AGFG1: variants seen among roughly 807,000 people sequenced by gnomAD.
AGFG1 encodes ArfGAP with FG repeats 1.
In AGFG1, 10 loss-of-function variants were observed where a neutral mutation model predicts 60.6. That is an observed-to-expected ratio of 0.16 (90% CI 0.10 to 0.28). The LOEUF (loss-of-function observed/expected upper bound fraction) is 0.28. Among genes scored for constraint, AGFG1 ranks in the 10% least tolerant of loss-of-function variants. The pLI is 1.00. For synonymous variants in AGFG1, 247 were observed against 242.9 expected (o/e 1.02, Z -0.16); for missense variants, 537 against 676.5 (o/e 0.79, Z 2.29).
chr2:227,541,946 C>G (rs1163945950), intron 10 of AGFG1, among the ~76,000 whole-genome samples: 3 of 152,152 alleles, frequency 2.0e-5, no homozygotes, highest in African/African-American at 7.2e-5. Flanking sequence ...GTATTTTATT[C>G]TCTTTGTAGC....
chr2:227,521,769 T>C lies in AGFG1; in HGVS notation c.377+1706T>C, dbSNP rs116418870. ...GTAACAGTTGGTAGAATTAAAATCATAGATCCTTACCCCCACATTTATAAC... is the reference window on the plus strand; with the variant it reads ...GTAACAGTTGGTAGAATTAAAATCACAGATCCTTACCCCCACATTTATAAC... On this transcript the variant is annotated intron_variant, in intron 3 of 12. Transcript: ENST00000310078. Among the ~76,000 whole-genome samples, 1,085 of 152,356 alleles carry C rather than the reference T, an allele frequency of 7.1e-3. 22 individuals carry two copies. Among genetic ancestry groups the C allele is most frequent in the African/African-American group, 0.025 (1,023 of 41,584 alleles).
intron 4 of AGFG1, among the ~76,000 whole-genome samples, chr2:227,524,502 A>T (rs892320252): frequency 1.3e-5 from 2 of 152,160 alleles, no homozygotes; most frequent in Non-Finnish European, 2.9e-5. Flanking sequence ...ACTGTGTGGC[A>T]TTGCAGCCTC....
chr2:227,502,751 A>G (rs895397306), intron 2 of AGFG1, among the ~76,000 whole-genome samples: 7 of 152,216 alleles, frequency 4.6e-5, no homozygotes, highest in African/African-American at 1.7e-4. Context: ...GCTTCCTCTC[A>G]AATCATGAGG....
intron 1 of AGFG1, among the ~76,000 whole-genome samples, chr2:227,486,922 C>T (rs1690657456): frequency 6.6e-6 from 1 of 152,162 alleles, no homozygotes; most frequent in Non-Finnish European, 1.5e-5. Context: ...GCAGATGCTG[C>T]TCAACATCGT....
At chr2:227,489,643 C>T (rs1258342822) in intron 1 of AGFG1, among the ~76,000 whole-genome samples, 1 of 151,988 alleles carries the variant, frequency 6.6e-6, no homozygotes, top group African/African-American at 2.4e-5. Context: ...CAAAACAAAA[C>T]AACAACCAAA....
Position 227,531,124 on chromosome 2 carries a change from TTGA to T in AGFG1, c.731_733del (p.Asp244del). ...TCTGCAAATGCAGATTTTGCAAACT[TTGA>T]TGCATTTGGACAGTCTAGTGGTTCG... is the stretch of plus-strand genomic sequence containing the variant. On this transcript the variant is annotated inframe_deletion, in exon 6 of 13. Coordinates refer to ENST00000310078, the MANE Select transcript of AGFG1 (RefSeq NM_004504.5). The T allele has an allele frequency of 6.2e-7, 1 of 1,613,366 alleles. No individual in the cohort carries two copies. Among genetic ancestry groups the T allele is most frequent in the Non-Finnish European group, 8.5e-7 (1 of 1,179,538 alleles).
Position 227,556,856 on chromosome 2 carries a change from C to T in AGFG1, c.*2361C>T, listed in dbSNP as rs76956015. On this transcript the variant is annotated 3_prime_UTR_variant, in exon 13 of 13. Coordinates refer to ENST00000310078, the MANE Select transcript of AGFG1 (RefSeq NM_004504.5). Reference sequence around the variant, plus strand: ...AGGTGAGGTGGGAACATCACTTGAGCCCAGGAGTTGGAGGCTGCAGTGCGC... The same window carrying T: ...AGGTGAGGTGGGAACATCACTTGAGTCCAGGAGTTGGAGGCTGCAGTGCGC... 6.6e-6 allele frequency: 1 copy of T among 151,918 alleles called. No homozygotes were observed. The highest frequency in any genetic ancestry group is 6.6e-5 in the Admixed American group (1 of 15,238). The allele number at this position is 151,918 out of a possible 1,614,324, so 9.4% of individuals were successfully genotyped here. A position where few individuals can be genotyped will look rare whatever the true frequency, so the allele number is the denominator to read the frequency against.
chr2:227,535,552 G>A (rs1038906778), intron 8 of AGFG1, among the ~76,000 whole-genome samples: 2 of 152,152 alleles, frequency 1.3e-5, no homozygotes, highest in Non-Finnish European at 2.9e-5. Flanking sequence ...GCAGTAGGAA[G>A]TCTAACACAT....
chr2:227,539,746 C>CA (rs71039604), intron 10 of AGFG1, among the ~76,000 whole-genome samples: 10,624 of 65,578 alleles, frequency 0.16, 877 homozygotes, highest in Non-Finnish European at 0.22. Context: ...CTCTAGCTCA[C>CA]AAAAAAAAAA....
At chr2:227,485,630 A>C (rs142622846) in intron 1 of AGFG1, among the ~76,000 whole-genome samples, 15 of 152,168 alleles carry the variant, frequency 9.9e-5, no homozygotes, top group African/African-American at 3.4e-4. Flanking sequence ...ATCTGAAAAA[A>C]ATCTCAGTCA....
At chr2:227,531,614 G>A (rs1248436538) in intron 6 of AGFG1, among the ~76,000 whole-genome samples, 3 of 114,672 alleles carry the variant, frequency 2.6e-5, no homozygotes, top group Non-Finnish European at 5.2e-5. Flanking sequence ...TTTTTTTTTG[G>A]TAGCAGCTGG....
At chr2:227,524,146 C>A (rs1020915966) in intron 4 of AGFG1, among the ~76,000 whole-genome samples, 6 of 151,578 alleles carry the variant, frequency 4.0e-5, no homozygotes, top group Admixed American at 3.9e-4. Flanking sequence ...TTCTCTGCAA[C>A]TTTGTAAAGG....
At chr2:227,510,858 C>A (rs1184280109) in intron 2 of AGFG1, 1 of 152,206 alleles carries the variant, frequency 6.6e-6, no homozygotes, top group African/African-American at 2.4e-5. Context: ...AACGCAGATA[C>A]TTGCAAGTAA....
chr2:227,482,111 C>T (rs1028976592), intron 1 of AGFG1, among the ~76,000 whole-genome samples: 5 of 152,070 alleles, frequency 3.3e-5, no homozygotes, highest in African/African-American at 4.8e-5. Flanking sequence ...GTGATCTGCC[C>T]GCTTCGGCCT....
intron 10 of AGFG1, among the ~76,000 whole-genome samples, chr2:227,546,699 T>C (rs1559200024): frequency 6.6e-6 from 1 of 152,244 alleles, no homozygotes; most frequent in Non-Finnish European, 1.5e-5. Flanking sequence ...TATTGTGGCC[T>C]AATTTTCAGA....
chr2:227,523,948 T>C, intron 4 of AGFG1, 23 bp downstream of exon 4: 11 of 1,593,560 alleles, frequency 6.9e-6, no homozygotes, highest in Non-Finnish European at 7.7e-6. Flanking sequence ...TGAATCTTTG[T>C]AGGGAATTCG....
intron 1 of AGFG1, among the ~76,000 whole-genome samples, chr2:227,481,099 C>CTTTTTTTTTTTTTTTTTTTTTTTG (rs1690444468): frequency 1.3e-5 from 1 of 75,724 alleles, no homozygotes; most frequent in Non-Finnish European, 2.4e-5. Flanking sequence ...GTGTTTTAGG[C>CTTTTTTTTTTTTTTTTTTTTTTTG]TTTTTTTTTT....
intron 10 of AGFG1, among the ~76,000 whole-genome samples, chr2:227,538,507 G>A (rs748548125): frequency 2.0e-5 from 3 of 152,158 alleles, no homozygotes; most frequent in Non-Finnish European, 4.4e-5. Flanking sequence ...ACTGATGAAT[G>A]GAAACTCAAA....
intron 10 of AGFG1, among the ~76,000 whole-genome samples, chr2:227,542,281 G>C (rs562196598): frequency 6.6e-6 from 1 of 152,186 alleles, no homozygotes; most frequent in Non-Finnish European, 1.5e-5. Flanking sequence ...CATTCAGTAT[G>C]ATATTGGCTG....
Sources: allele counts gnomAD v4.1 joint callset (sites outside exome capture counted in the v4.1 genomes callset), GRCh38; gene constraint gnomAD v4.1.1; transcripts MANE v1.5; gene names NCBI Gene and HGNC (gene_info 2026-07-23, HGNC 2026-07-21).